DCC: variants seen among roughly 807,000 people sequenced by gnomAD.
DCC encodes netrin receptor DCC.
In DCC, 58 loss-of-function variants were observed where a neutral mutation model predicts 172.5. That is an observed-to-expected ratio of 0.34 (90% confidence interval 0.27 to 0.42). The LOEUF is 0.42. Among genes scored for constraint, DCC ranks in the 10% least tolerant of loss-of-function variants. The probability of loss-of-function intolerance (pLI) is 1.00; values close to 1 mark genes in which losing one functional copy is unlikely to be tolerated. For synonymous variants in DCC, 709 were observed against 644.5 expected, an observed-to-expected ratio of 1.10 and a Z score of -1.52; for missense variants, 1,740 against 1,791.0, an observed-to-expected ratio of 0.97 and a Z score of 0.51.
chr18:52,491,860 T>G (rs889915287), intron 1 of DCC, among the ~76,000 whole-genome samples: 1 of 152,042 alleles, frequency 6.6e-6, no homozygotes, highest in East Asian at 1.9e-4. Context: ...AACTGGGATG[T>G]TTGGGGTGTA....
chr18:52,973,660 C>A (rs1306309106), intron 5 of DCC, among the ~76,000 whole-genome samples: 1 of 152,144 alleles, frequency 6.6e-6, no homozygotes, highest in African/African-American at 2.4e-5. Flanking sequence ...TAGTGATCTG[C>A]AGACTGACTT....
chr18:52,804,845 G>A (rs1222284214), intron 2 of DCC, among the ~76,000 whole-genome samples: 1 of 152,158 alleles, frequency 6.6e-6, no homozygotes, highest in Non-Finnish European at 1.5e-5. Context: ...GCCTCCCAAA[G>A]TGCTGGGATT....
In DCC at chr18:53,519,640, A is replaced by AAGAG. The variant is rs539815067; in HGVS notation, c.4112-6975_4112-6972dup. Among the ~76,000 whole-genome samples, 293 of 152,044 alleles carry AAGAG rather than the reference A, an allele frequency of 1.9e-3. 1 individual carries two copies. The highest frequency in any genetic ancestry group is 6.7e-3 in the African/African-American group (279 of 41,506). ...TTATATTCACAGCTAGGAGCCATGG[A>AAGAG]AGAGATTCTTTTCATTTTTATTTTT... On this transcript the variant is annotated intron_variant, in intron 27 of 28. Transcript: ENST00000442544.
At chr18:53,324,048 A>T (rs1465380147) in intron 14 of DCC, among the ~76,000 whole-genome samples, 3 of 152,238 alleles carry the variant, frequency 2.0e-5, no homozygotes, top group Non-Finnish European at 4.4e-5. Flanking sequence ...ATTTAAAAAA[A>T]TAGTGAATTA....
chr18:52,793,255 G>A (rs984823125), intron 2 of DCC, among the ~76,000 whole-genome samples: 4 of 152,134 alleles, frequency 2.6e-5, no homozygotes, highest in Non-Finnish European at 5.9e-5. Flanking sequence ...TGTACAAGTG[G>A]CTGACAAAGA....
At chr18:53,456,182 G>A (rs916833778) in intron 23 of DCC, among the ~76,000 whole-genome samples, 2 of 152,186 alleles carry the variant, frequency 1.3e-5, no homozygotes, top group Admixed American at 1.3e-4. Flanking sequence ...CTGAAGGAGA[G>A]AGTCTTGAAA....
chr18:52,474,222 G>A (rs1989027847), intron 1 of DCC, among the ~76,000 whole-genome samples: 1 of 122,484 alleles, frequency 8.2e-6, no homozygotes, highest in East Asian at 2.5e-4. Context: ...GAGAGAGAGA[G>A]AGAGAGAGAG....
At chr18:53,088,590 A>G (rs2042955066) in intron 7 of DCC, among the ~76,000 whole-genome samples, 1 of 152,206 alleles carries the variant, frequency 6.6e-6, no homozygotes, top group South Asian at 2.1e-4. Context: ...GGAAATAGAG[A>G]CACAAAAAAC....
At chr18:53,347,786 G>A (rs1273922752) in intron 15 of DCC, among the ~76,000 whole-genome samples, 1 of 152,050 alleles carries the variant, frequency 6.6e-6, no homozygotes, top group Non-Finnish European at 1.5e-5. Context: ...CTTACATAGA[G>A]GGCAACAGGC....
chr18:53,438,970 A>G (rs1599152216), intron 22 of DCC, among the ~76,000 whole-genome samples: 1 of 152,222 alleles, frequency 6.6e-6, no homozygotes, highest in Admixed American at 6.5e-5. Flanking sequence ...AATTTTCTGC[A>G]TCACTTAATG....
Position 53,459,355 on chromosome 18 carries a change from C to A in DCC, c.3516C>A (p.Asp1172Glu). 6.2e-7 allele frequency: 1 copy of A among 1,613,936 alleles called. No homozygotes were observed. The highest frequency in any genetic ancestry group is 8.5e-7 in the Non-Finnish European group (1 of 1,179,898). The change falls in exon 24 of 29, where the codon GAC (aspartate) becomes GAA (glutamate). Residue 1172 changes from aspartate (D) to glutamate (E), a missense_variant. Asp to Glu is a conservative substitution (Grantham distance 45, BLOSUM62 2). Coordinates refer to ENST00000442544, the MANE Select transcript of DCC (RefSeq NM_005215.4). ...ATATTGAAAAGCCATCTGGCACTGACCCTGCAGGAAGGGACTCTCCCATCC... is the reference window on the plus strand; with the variant it reads ...ATATTGAAAAGCCATCTGGCACTGAACCTGCAGGAAGGGACTCTCCCATCC... ...MKNIEKPSGT[D>E]PAGRDSPIQS...
At chr18:52,432,473 A>G (rs189535010) in intron 1 of DCC, among the ~76,000 whole-genome samples, 3 of 152,202 alleles carry the variant, frequency 2.0e-5, no homozygotes, top group East Asian at 3.9e-4. Context: ...TTGCCTAAGC[A>G]CCCTCTGTTG....
intron 20 of DCC, among the ~76,000 whole-genome samples, chr18:53,415,873 T>A (rs1192175129): frequency 6.6e-6 from 1 of 152,106 alleles, no homozygotes; most frequent in African/African-American, 2.4e-5. Flanking sequence ...TCAGTTTATG[T>A]TTAGAGGGAT....
intron 27 of DCC, among the ~76,000 whole-genome samples, chr18:53,522,326 C>A (rs1183943653): frequency 6.6e-6 from 1 of 151,680 alleles, no homozygotes; most frequent in Non-Finnish European, 1.5e-5. Context: ...CCATTCACAT[C>A]CAGTGAAGAC....
intron 12 of DCC, among the ~76,000 whole-genome samples, chr18:53,218,849 T>A (rs187176616): frequency 6.6e-6 from 1 of 152,276 alleles, no homozygotes; most frequent in East Asian, 1.9e-4. Flanking sequence ...ATTATATATT[T>A]CAAATACATA....
intron 2 of DCC, among the ~76,000 whole-genome samples, chr18:52,811,028 G>C (rs2145248926): frequency 6.6e-6 from 1 of 152,236 alleles, no homozygotes; most frequent in South Asian, 2.1e-4. Flanking sequence ...TTAGCACAGA[G>C]GGGACAACAC....
intron 25 of DCC, among the ~76,000 whole-genome samples, chr18:53,472,523 T>C (rs2045710032): frequency 6.6e-6 from 1 of 152,228 alleles, no homozygotes; most frequent in South Asian, 2.1e-4. Context: ...TTCTCAAACA[T>C]TATTGTACTT....
intron 1 of DCC, among the ~76,000 whole-genome samples, chr18:52,720,595 T>C (rs972726892): frequency 6.6e-6 from 1 of 152,202 alleles, no homozygotes; most frequent in African/African-American, 2.4e-5. Context: ...TTTTTAAATC[T>C]CAATTGAAGC....
chr18:52,371,552 T>A (rs1985123108), intron 1 of DCC, among the ~76,000 whole-genome samples: 1 of 152,220 alleles, frequency 6.6e-6, no homozygotes, highest in South Asian at 2.1e-4. Flanking sequence ...TAATTCCATT[T>A]TACCCTTTTT....
Sources: allele counts gnomAD v4.1 joint callset (sites outside exome capture counted in the v4.1 genomes callset), GRCh38; gene constraint gnomAD v4.1.1; transcripts MANE v1.5; gene names NCBI Gene and HGNC (gene_info 2026-07-23, HGNC 2026-07-21).